The following DCC variants were observed in gnomAD, a reference collection of about 807,000 sequenced individuals.
The protein encoded by DCC is netrin receptor DCC.
Under a neutral mutation model 172.5 loss-of-function variants are expected in DCC, and 58 were observed. That is an observed-to-expected ratio of 0.34 (90% CI 0.27 to 0.42). DCC has a LOEUF of 0.42. DCC is among the 10% of genes least tolerant of loss of function. The pLI is 1.00. For synonymous variants in DCC, 709 were observed against 644.5 expected (o/e 1.10, Z -1.52); for missense variants, 1,740 against 1,791.0 (o/e 0.97, Z 0.51).
At chr18:52,661,949 G>T (rs2035368315) in intron 1 of DCC, among the ~76,000 whole-genome samples, 1 of 152,144 alleles carries the variant, frequency 6.6e-6, no homozygotes, top group South Asian at 2.1e-4. Context: ...ATTAAAAATT[G>T]GGTTTCCTGA....
chr18:53,134,483 C>T (rs1303955679), intron 7 of DCC, among the ~76,000 whole-genome samples: 1 of 152,032 alleles, frequency 6.6e-6, no homozygotes, highest in African/African-American at 2.4e-5. Flanking sequence ...TTACTAGAGC[C>T]TTACACTGTT....
intron 27 of DCC, among the ~76,000 whole-genome samples, chr18:53,521,189 G>A (rs1014159316): frequency 5.9e-5 from 9 of 152,120 alleles, no homozygotes; most frequent in South Asian, 4.1e-4. Context: ...CAATGTCTTC[G>A]ATTCCTTTTG....
At chr18:53,050,666 G>A (rs2042322053) in intron 5 of DCC, among the ~76,000 whole-genome samples, 1 of 152,088 alleles carries the variant, frequency 6.6e-6, no homozygotes, top group Admixed American at 6.6e-5. Context: ...AGATCAAGGA[G>A]CTTTTGGACA....
chr18:53,086,007 C>CTTATTATTATTATTATTATTA (rs1599113255), intron 7 of DCC, among the ~76,000 whole-genome samples: 4 of 22,424 alleles, frequency 1.8e-4, no homozygotes, highest in East Asian at 1.7e-3. Flanking sequence ...CCTTCTTCTC[C>CTTATTATTATTATTATTATTA]TTCTCCTTCT....
intron 12 of DCC, among the ~76,000 whole-genome samples, chr18:53,257,526 G>T (rs142557130): frequency 6.6e-6 from 1 of 152,114 alleles, no homozygotes; most frequent in Non-Finnish European, 1.5e-5. Context: ...ATTGATTTGC[G>T]TGTGTTGAAC....
intron 7 of DCC, among the ~76,000 whole-genome samples, chr18:53,153,371 A>G (rs2054674631): frequency 6.6e-6 from 1 of 152,142 alleles, no homozygotes; most frequent in African/African-American, 2.4e-5. Context: ...TAATAAATTT[A>G]TAGGAATGAG....
At chr18:52,734,369 G>C (rs1398138367) in intron 1 of DCC, among the ~76,000 whole-genome samples, 2 of 152,096 alleles carry the variant, frequency 1.3e-5, no homozygotes, top group African/African-American at 4.8e-5. Flanking sequence ...GTCATAATTA[G>C]CCTGTCCCCG....
intron 1 of DCC, among the ~76,000 whole-genome samples, chr18:52,743,519 G>C (rs1175388268): frequency 6.6e-6 from 1 of 152,154 alleles, no homozygotes; most frequent in Non-Finnish European, 1.5e-5. Flanking sequence ...CTGCAGCTTA[G>C]AGAGTTAGCT....
In DCC at chr18:53,054,101, G is replaced by A. The variant is rs189875691; in HGVS notation, c.986-9204G>A. On this transcript the variant is annotated intron_variant, in intron 5 of 28. Transcript: ENST00000442544. The stretch of plus-strand genomic sequence containing the variant: ...GTTGTAATATTTGCATATAACCTAC[G>A]TCAATCCTCCCATATATTTTAAATC... Among the ~76,000 whole-genome samples, 145 of 152,126 alleles carry A rather than the reference G, an allele frequency of 9.5e-4. 1 individual carries two copies. In the East Asian group the frequency reaches 0.011, roughly 12 times the overall value.
Position 53,312,153 on chromosome 18 carries a change from CAAAAAAAAAAAA to C in DCC, c.2053+6447_2053+6458del, listed in dbSNP as rs895203731. ...TGAAACCCTGTCTCTGCTAAAAATA[CAAAAAAAAAAAA>C]AAAAAAAAAAAAGAAAAAGAAAATT... On this transcript the variant is annotated intron_variant, in intron 13 of 28. Coordinates refer to ENST00000442544, the MANE Select transcript of DCC (RefSeq NM_005215.4). Among the ~76,000 whole-genome samples, 79 of 26,712 alleles carry C rather than the reference CAAAAAAAAAAAA, an allele frequency of 3.0e-3. No homozygotes were observed. The Middle Eastern group carries it at 0.068, about 23-fold the overall frequency. 17.5% of individuals were successfully genotyped at this position (26,712 alleles called of 152,430 possible).
chr18:52,521,071 G>T (rs1144059), intron 1 of DCC, among the ~76,000 whole-genome samples: 36,499 of 151,938 alleles, frequency 0.24, 4,530 homozygotes, highest in African/African-American at 0.29. Context: ...TCTGTTGAGA[G>T]AATTCATTTT....
chr18:53,511,097 A>G (rs2046245806), intron 27 of DCC, among the ~76,000 whole-genome samples: 1 of 152,242 alleles, frequency 6.6e-6, no homozygotes, highest in Non-Finnish European at 1.5e-5. Context: ...GTTCTATTTT[A>G]AAGAACAGAT....
intron 17 of DCC, among the ~76,000 whole-genome samples, chr18:53,392,521 A>G (rs757097123): frequency 1.9e-4 from 29 of 152,138 alleles, no homozygotes; most frequent in Admixed American, 3.9e-4. Context: ...TCAGAGATAC[A>G]TATTTGAGAC....
At chr18:52,665,133 TC>T (rs1428155779) in intron 1 of DCC, among the ~76,000 whole-genome samples, 1 of 152,210 alleles carries the variant, frequency 6.6e-6, no homozygotes, top group Non-Finnish European at 1.5e-5. Context: ...GACCTTCTTA[TC>T]CCTTTTCCAA....
In DCC at chr18:53,393,914, C is replaced by CCTCTCTCTCTCCCT. The variant is rs1323959382; in HGVS notation, c.2688+2034_2688+2035insTCTCCCTCTCTCTC. On this transcript the variant is annotated intron_variant, in intron 17 of 28. Coordinates refer to ENST00000442544, the MANE Select transcript of DCC (RefSeq NM_005215.4). The stretch of plus-strand genomic sequence containing the variant: ...ATGTACTATTCCCTCTCTCTCTCTC[C>CCTCTCTCTCTCCCT]CTCTCTCCCTCCCTCCCTCCCCCTA... Among the ~76,000 whole-genome samples, 7 of 108,166 alleles carry CCTCTCTCTCTCCCT rather than the reference C, an allele frequency of 6.5e-5. No homozygotes were observed. In the East Asian group the frequency reaches 1.0e-3, roughly 16 times the overall value. 71.0% of individuals were successfully genotyped at this position (108,166 alleles called of 152,430 possible). A position where few individuals can be genotyped will look rare whatever the true frequency, so the allele number is the denominator to read the frequency against.
intron 1 of DCC, among the ~76,000 whole-genome samples, chr18:52,637,702 C>T (rs572205465): frequency 6.6e-6 from 1 of 152,128 alleles, no homozygotes; most frequent in African/African-American, 2.4e-5. Context: ...AATCTGTGTT[C>T]CTGAGGAAGA....
chr18:52,921,655 C>T (rs559845424), intron 3 of DCC, among the ~76,000 whole-genome samples: 2 of 151,116 alleles, frequency 1.3e-5, no homozygotes, highest in African/African-American at 2.4e-5. Flanking sequence ...GCTGAGATGG[C>T]GCCACTGCAC....
rs181265354 is a variant in DCC, at chr18:52,834,837, G to T, written c.413-71207G>T. On this transcript the variant is annotated intron_variant, in intron 2 of 28. Transcript: ENST00000442544. ...AATATACTTCAGAAAGGCAAAAAAG[G>T]TAAGTTTTCTTGTTGGAAAAAAATG... Among the ~76,000 whole-genome samples, 579 of 151,992 alleles carry T rather than the reference G, an allele frequency of 3.8e-3. 6 individuals are homozygous for T. Among genetic ancestry groups the T allele is most frequent in the African/African-American group, 0.012 (501 of 41,400 alleles).
chr18:53,158,791 A>G (rs1049604135), intron 8 of DCC, among the ~76,000 whole-genome samples: 1 of 152,044 alleles, frequency 6.6e-6, no homozygotes, highest in African/African-American at 2.4e-5. Context: ...CAGGAGTTCA[A>G]GACCAGCCTG....
Sources: allele counts gnomAD v4.1 joint callset (sites outside exome capture counted in the v4.1 genomes callset), GRCh38; gene constraint gnomAD v4.1.1; transcripts MANE v1.5; gene names NCBI Gene and HGNC (gene_info 2026-07-23, HGNC 2026-07-21).